The following JPH2 variants were observed in gnomAD, a reference collection of about 807,000 sequenced individuals.
JPH2 encodes junctophilin-2.
JPH2 carries 38 observed loss-of-function variants against 55.9 expected under a neutral mutation model. That is an observed-to-expected ratio of 0.68 (90% CI 0.52 to 0.89). JPH2 has a LOEUF of 0.89. Ranked by LOEUF, JPH2 falls within the 40% of genes least tolerant of loss-of-function variation. The pLI is 0.00. For synonymous variants in JPH2, 480 were observed against 472.4 expected (o/e 1.02, Z -0.21); for missense variants, 964 against 1,037.6 (o/e 0.93, Z 0.97).
intron 2 of JPH2, among the ~76,000 whole-genome samples, chr20:44,126,538 A>G (rs2072278533): frequency 6.6e-6 from 1 of 152,128 alleles, no homozygotes; most frequent in Admixed American, 6.5e-5. Flanking sequence ...CTACCCCAGA[A>G]CAACCATGGT....
chr20:44,177,901 G>T (rs1315009144), intron 1 of JPH2: 2 of 1,552,810 alleles, frequency 1.3e-6, no homozygotes, highest in East Asian at 4.5e-5. Context: ...TATGTGCCAG[G>T]CATGATGCTC....
chr20:44,161,039 G>A (rs2072606387), intron 1 of JPH2, among the ~76,000 whole-genome samples: 2 of 152,152 alleles, frequency 1.3e-5, no homozygotes, highest in African/African-American at 4.8e-5. Flanking sequence ...TTGTGCCACT[G>A]CACTCCAGCC....
At chr20:44,149,211 C>T in intron 2 of JPH2, among the ~76,000 whole-genome samples, 1 of 152,110 alleles carries the variant, frequency 6.6e-6, no homozygotes. Flanking sequence ...ACCCCAGTGG[C>T]TCTGCCATGT....
intron 2 of JPH2, among the ~76,000 whole-genome samples, chr20:44,125,007 G>C (rs938445066): frequency 6.6e-6 from 1 of 151,888 alleles, no homozygotes. Flanking sequence ...TACTTAGAAG[G>C]CTGAGGCAGA....
Position 44,186,613 on chromosome 20 carries a change from G to A in JPH2, c.93C>T (p.Gly31=), listed in dbSNP as rs765888077. The part of the protein sequence containing the change: ...GKAHGHGLCT[G]PKGQGEYSGS... ...CAGAGTATTCGCCCTGGCCCTTGGG[G>A]CCTGTGCACAGTCCATGCCCATGGG... The change falls in exon 1 of 6, where the codon GGC becomes GGT. Residue 31 remains glycine, a synonymous_variant. Coordinates refer to ENST00000372980, the MANE Select transcript of JPH2 (RefSeq NM_020433.5). The A allele has an allele frequency of 1.2e-6, 2 of 1,613,030 alleles. No homozygotes were observed. The highest frequency in any genetic ancestry group is 1.7e-6 in the Non-Finnish European group (2 of 1,180,002).
intron 2 of JPH2, among the ~76,000 whole-genome samples, chr20:44,130,642 G>A (rs77792994): frequency 0.074 from 11,291 of 152,314 alleles, 478 homozygotes; most frequent in Non-Finnish European, 0.095. Context: ...AGCTGACAGA[G>A]CACTCCAAAA....
At chr20:44,175,536 T>C (rs1190623605) in intron 1 of JPH2, among the ~76,000 whole-genome samples, 1 of 152,204 alleles carries the variant, frequency 6.6e-6, no homozygotes. Flanking sequence ...TAGTCTCTGG[T>C]TTCCTGGGAT....
intron 2 of JPH2, among the ~76,000 whole-genome samples, chr20:44,145,519 G>A (rs1158471181): frequency 1.3e-5 from 2 of 151,630 alleles, no homozygotes; most frequent in Non-Finnish European, 2.9e-5. Context: ...CAGGAGAATC[G>A]CTTGAACGCG....
chr20:44,114,609 T>TGTGTGC (rs1491581575), intron 5 of JPH2, among the ~76,000 whole-genome samples, 173 bp downstream of exon 5: 7 of 144,170 alleles, frequency 4.9e-5, no homozygotes, highest in Non-Finnish European at 6.1e-5. Flanking sequence ...TGTGTGTGTG[T>TGTGTGC]GCGCTGGTAT....
chr20:44,129,243 C>G (rs1016461942), intron 2 of JPH2, among the ~76,000 whole-genome samples: 1 of 152,068 alleles, frequency 6.6e-6, no homozygotes, highest in Non-Finnish European at 1.5e-5. Context: ...CCTAGAAGAC[C>G]GGGCAAAGTA....
chr20:44,134,064 A>ATAAATATATATTTATTAT (rs1555855573), intron 2 of JPH2, among the ~76,000 whole-genome samples: 2,407 of 20,942 alleles, frequency 0.11, 962 homozygotes, highest in African/African-American at 0.24. Context: ...ATTTATTATA[A>ATAAATATATATTTATTAT]ATATATAAAT....
chr20:44,109,227 G>C lies in JPH2; in HGVS notation c.*4291C>G, dbSNP rs1441069500. On this transcript the variant is annotated 3_prime_UTR_variant, in exon 6 of 6. Coordinates refer to ENST00000372980, the MANE Select transcript of JPH2 (RefSeq NM_020433.5). ...TGAACCAATCACTCCATCTCCCCAA[G>C]GCTCAATTTTCCTCATCTGCAAAAT... Among the ~76,000 whole-genome samples, 1 of 152,114 alleles carries C rather than the reference G, an allele frequency of 6.6e-6. No individual in the cohort carries two copies. The highest frequency in any genetic ancestry group is 6.6e-5 in the Admixed American group (1 of 15,262).
chr20:44,142,816 G>A (rs887300261), intron 2 of JPH2, among the ~76,000 whole-genome samples: 1 of 152,200 alleles, frequency 6.6e-6, no homozygotes, highest in Non-Finnish European at 1.5e-5. Context: ...TGTATTTCAA[G>A]GCTGAAATGA....
At chr20:44,113,683 G>A (rs1218028188) in intron 5 of JPH2, among the ~76,000 whole-genome samples, 180 bp from the exon 6 acceptor site, 1 of 152,154 alleles carries the variant, frequency 6.6e-6, no homozygotes, top group Non-Finnish European at 1.5e-5. Context: ...ACGGGTCCCC[G>A]AGGCCTCTCC....
At position 44,186,433 on chromosome 20, in the gene JPH2, C is replaced by G; in HGVS notation, c.273G>C (p.Lys91Asn). The G allele has an allele frequency of 6.2e-7, 1 of 1,614,100 alleles. No homozygotes were observed. The highest frequency in any genetic ancestry group is 1.1e-5 in the South Asian group (1 of 91,090). ...LYKGEWTHGF[K>N]GRYGIRQSSS... Reference sequence around the variant, plus strand: ...AGCTCTGCCGGATTCCGTAGCGTCCCTTGAAGCCATGTGTCCACTCGCCCT... The same window carrying G: ...AGCTCTGCCGGATTCCGTAGCGTCCGTTGAAGCCATGTGTCCACTCGCCCT... The change falls in exon 1 of 6, where the codon AAG becomes AAC. Residue 91 changes from lysine to asparagine, a missense_variant. By Grantham distance (94) the Lys-to-Asn change is moderately conservative. Coordinates refer to ENST00000372980, the MANE Select transcript of JPH2 (RefSeq NM_020433.5).
At chr20:44,138,315 G>A (rs1167592760) in intron 2 of JPH2, among the ~76,000 whole-genome samples, 2 of 147,986 alleles carry the variant, frequency 1.4e-5, no homozygotes, top group African/African-American at 5.0e-5. Context: ...ACAGGCGTGA[G>A]CTTTAATGCG....
At chr20:44,183,398 G>A (rs984838599) in intron 1 of JPH2, among the ~76,000 whole-genome samples, 6 of 152,180 alleles carry the variant, frequency 3.9e-5, no homozygotes, top group Admixed American at 6.5e-5. Context: ...AGCCAGTGCC[G>A]GGTAGCAGCC....
At chr20:44,158,038 TGTAAGA>T (rs1192030815) in intron 2 of JPH2, among the ~76,000 whole-genome samples, 3 of 152,208 alleles carry the variant, frequency 2.0e-5, no homozygotes, top group Admixed American at 6.5e-5. Context: ...TTCAGGATCT[TGTAAGA>T]GTAAATGAGT....
intron 1 of JPH2, among the ~76,000 whole-genome samples, chr20:44,167,027 C>A (rs1243189491): frequency 2.0e-5 from 3 of 152,178 alleles, no homozygotes; most frequent in Non-Finnish European, 2.9e-5. Flanking sequence ...CACAAGCTTT[C>A]CCCATTTCTT....
Sources: gnomAD v4.1 joint callset for allele counts (sites outside exome capture counted in the v4.1 genomes callset) on GRCh38, gnomAD v4.1.1 for gene constraint, MANE v1.5 for transcripts, NCBI Gene and HGNC (gene_info 2026-07-23, HGNC 2026-07-21) for gene names.